CHMP1A: variants seen among roughly 807,000 people sequenced by gnomAD.
CHMP1A encodes the protein charged multivesicular body protein 1A, also known as VPS46 homolog A.
A neutral mutation model predicts 27.0 loss-of-function variants in CHMP1A; 17 were observed. The ratio of observed to expected loss-of-function variants is 0.63; its 90% CI spans 0.43 to 0.95. CHMP1A has a LOEUF of 0.95. Ranked by LOEUF, CHMP1A falls within the 40% of genes least tolerant of loss-of-function variation. The pLI, the probability that CHMP1A is intolerant of heterozygous loss-of-function variation, is 0.00. For missense variants in CHMP1A, 275 were observed against 264.0 expected (o/e 1.04, Z -0.29); for synonymous variants, 131 against 107.5 (o/e 1.22, Z -1.35).
chr16:89,656,068 G>A (rs570842964), intron 1 of CHMP1A, among the ~76,000 whole-genome samples: 102 of 152,284 alleles, frequency 6.7e-4, no homozygotes, highest in African/African-American at 2.3e-3. Context: ...TCTTCTCTCA[G>A]GGCAGAAAAT....
Position 89,657,684 on chromosome 16 carries a change from C to A in CHMP1A, c.-96G>T. On this transcript the variant is annotated 5_prime_UTR_variant, in exon 1 of 7. Coordinates refer to ENST00000397901, the MANE Select transcript of CHMP1A (RefSeq NM_002768.5). ...CGGCGATCGAACCGACCAAGCTGCACCCGGCGGGGACTTCCGGGGTCGCCG... is the reference window on the plus strand; with the variant it reads ...CGGCGATCGAACCGACCAAGCTGCAACCGGCGGGGACTTCCGGGGTCGCCG... The A allele has an allele frequency of 6.3e-7, 1 of 1,583,310 alleles. No homozygotes were observed. The highest frequency in any genetic ancestry group is 1.1e-5 in the South Asian group (1 of 87,478).
In CHMP1A at chr16:89,649,352, C is replaced by G. The variant is rs2059806152; in HGVS notation, c.251G>C (p.Gly84Ala). 1.9e-6 allele frequency: 3 copies of G among 1,611,754 alleles called. No homozygotes were observed. The highest frequency in any genetic ancestry group is 2.5e-6 in the Non-Finnish European group (3 of 1,178,208). Residue 84 changes from glycine to alanine, a missense_variant and splice_region_variant, in exon 4 of 7, where the codon GGG becomes GCG. Physicochemically the swap from Gly to Ala is moderately conservative, Grantham distance 60. Transcript: ENST00000397901. ...SKVQTAVTMK[G>A]VTKNMAQVTK... The stretch of plus-strand genomic sequence containing the variant: ...CCAGCACCAGGGCCCAGCACTCACC[C>G]CCTTCATAGTCACAGCTGTCTGCAC...
At chr16:89,651,472 A>C in intron 3 of CHMP1A, 97 bp downstream of exon 3, 5 of 1,063,334 alleles carry the variant, frequency 4.7e-6, no homozygotes, top group Admixed American at 2.1e-5. Flanking sequence ...GCCCCTCCCC[A>C]AAAGGCATCA....
At chr16:89,655,021 C>T (rs1204118335) in intron 1 of CHMP1A, among the ~76,000 whole-genome samples, 5 of 152,066 alleles carry the variant, frequency 3.3e-5, no homozygotes, top group Non-Finnish European at 1.5e-5. Context: ...TGGAGAGCGA[C>T]CCTGACCCCA....
chr16:89,647,357 G>T, intron 4 of CHMP1A, 26 bp from the exon 5 acceptor site: 1 of 1,592,716 alleles, frequency 6.3e-7, no homozygotes, highest in South Asian at 1.1e-5. Context: ...GCGCAGGAGG[G>T]AACAGGATGA....
chr16:89,652,712 A>G lies in CHMP1A; in HGVS notation c.28-1066T>C, dbSNP rs76493153. Among the ~76,000 whole-genome samples, 3,705 of 152,304 alleles carry G rather than the reference A, an allele frequency of 0.024. 689 individuals carry two copies. In the East Asian group the frequency reaches 0.51, roughly 21 times the overall value. ...CCTCAGCCGGTCCCCTCTGTGCCCAACAGCAACTGACAGGCCCACCGTGAT... is the reference window on the plus strand; with the variant it reads ...CCTCAGCCGGTCCCCTCTGTGCCCAGCAGCAACTGACAGGCCCACCGTGAT... On this transcript the variant is annotated intron_variant, in intron 2 of 6. Coordinates refer to ENST00000397901, the MANE Select transcript of CHMP1A (RefSeq NM_002768.5).
At position 89,646,078 on chromosome 16, in the gene CHMP1A, G is replaced by C; in HGVS notation, c.579C>G (p.Ala193=). Residue 193 remains alanine (A), a synonymous_variant, in exon 7 of 7, where the codon GCC becomes GCG. Transcript: ENST00000397901. ...CGGCGGGGCACGGCTAGTTCCTCAA[G>C]GCGGCCAACCTGGAAACCAACAACA... ...QEDQLSRRLA[A]LRN 1 of 1,547,622 alleles carries C rather than the reference G, an allele frequency of 6.5e-7. No homozygotes were observed. The highest frequency in any genetic ancestry group is 2.1e-4 in the Middle Eastern group (1 of 4,780).
Position 89,651,642 on chromosome 16 carries a change from G to A in CHMP1A, c.32C>T (p.Thr11Met), listed in dbSNP as rs367804633. Residue 11 changes from threonine to methionine, a missense_variant, in exon 3 of 7, where the codon ACG becomes ATG. Thr to Met is a moderately conservative substitution (Grantham distance 81, BLOSUM62 -1). Coordinates refer to ENST00000397901, the MANE Select transcript of CHMP1A (RefSeq NM_002768.5). The stretch of plus-strand genomic sequence containing the variant: ...GGCCAGCTTCTCCAGCTGCTTCGCC[G>A]TGAACTGAGCGGAAGCCGGAATGTC... MDDTLFQLKFTAKQLEKLAKK... is the reference protein window; with the variant it reads MDDTLFQLKFMAKQLEKLAKK... 3.3e-5 allele frequency: 53 copies of A among 1,613,306 alleles called. No homozygotes were observed. The highest frequency in any genetic ancestry group is 1.8e-4 in the Admixed American group (11 of 59,972).
At chr16:89,654,529 T>A (rs1293608425) in intron 1 of CHMP1A, among the ~76,000 whole-genome samples, 1 of 152,126 alleles carries the variant, frequency 6.6e-6, no homozygotes, top group Non-Finnish European at 1.5e-5. Context: ...TTTCCAGCGG[T>A]ACAGTCGCTC....
Position 89,651,631 on chromosome 16 carries a change from G to C in CHMP1A, c.43C>G (p.Leu15Val), listed in dbSNP as rs1206510270. 6.2e-7 allele frequency: 1 copy of C among 1,613,646 alleles called. No individual in the cohort carries two copies. The highest frequency in any genetic ancestry group is 1.7e-5 in the Admixed American group (1 of 60,022). ...LFQLKFTAKQ[L>V]EKLAKKAEKD... Reference sequence around the variant, plus strand: ...TCCGCCTTCTTGGCCAGCTTCTCCAGCTGCTTCGCCGTGAACTGAGCGGAA... The same window carrying C: ...TCCGCCTTCTTGGCCAGCTTCTCCACCTGCTTCGCCGTGAACTGAGCGGAA... The change falls in exon 3 of 7, where the codon CTG becomes GTG. Residue 15 changes from leucine (L) to valine (V), a missense_variant. Physicochemically the swap from Leu to Val is conservative, Grantham distance 32 (BLOSUM62 1). Transcript: ENST00000397901.
intron 1 of CHMP1A, among the ~76,000 whole-genome samples, chr16:89,657,048 A>ATCGGGGG (rs1489958423): frequency 1.0e-5 from 1 of 98,674 alleles, no homozygotes; most frequent in Non-Finnish European, 2.0e-5. Flanking sequence ...GGGGTCCCGA[A>ATCGGGGG]TCGGGGGTCG....
chr16:89,649,867 C>T (rs2437955), intron 3 of CHMP1A, among the ~76,000 whole-genome samples: 3 of 152,064 alleles, frequency 2.0e-5, no homozygotes, highest in African/African-American at 7.2e-5. Context: ...TGAGCCACCG[C>T]GCCCGGCCCT....
chr16:89,651,148 C>A (rs1385291251), intron 3 of CHMP1A, among the ~76,000 whole-genome samples: 1 of 152,090 alleles, frequency 6.6e-6, no homozygotes, highest in Non-Finnish European at 1.5e-5. Flanking sequence ...GAGGCCAAGG[C>A]AGGTGGGTCA....
rs775180423 is a variant in CHMP1A at position 89,645,974 on chromosome 16, G to A, written c.*92C>T. On this transcript the variant is annotated 3_prime_UTR_variant, in exon 7 of 7. Transcript: ENST00000397901. ...GAGTGGCTGCCGGCCGCAGCCCCGC[G>A]GGGTCAGCACAAAGGCAAGACGCGG... The A allele has an allele frequency of 1.9e-5, 30 of 1,611,778 alleles. No individual in the cohort carries two copies. Among genetic ancestry groups the A allele is most frequent in the East Asian group, 4.5e-5 (2 of 44,814 alleles).
chr16:89,647,556 C>T lies in CHMP1A; in HGVS notation c.253-225G>A, dbSNP rs1009020333. ...GCGGGGTCAGTGGAGAAAAGGCCGC[C>T]GACGTGGAGACCCAGTGCGGGGTCA... On this transcript the variant is annotated intron_variant, in intron 4 of 6. Transcript: ENST00000397901. Among the ~76,000 whole-genome samples the T allele has an allele frequency of 1.1e-4, 16 of 144,844 alleles. 1 individual carries two copies. Among genetic ancestry groups the T allele is most frequent in the Non-Finnish European group, 1.7e-4 (11 of 66,496 alleles).
At chr16:89,649,623 T>A (rs2059808485) in intron 3 of CHMP1A, 126 bp from the exon 4 acceptor site, 1 of 1,096,432 alleles carries the variant, frequency 9.1e-7, no homozygotes, top group Admixed American at 2.3e-5. Flanking sequence ...TTGCCCAGGC[T>A]GGAGTGCAGT....
rs369693521 is a variant in CHMP1A, at chr16:89,645,886, C to T, written c.*180G>A. 2.0e-5 allele frequency: 32 copies of T among 1,584,902 alleles called. No individual in the cohort carries two copies. Among genetic ancestry groups the T allele is most frequent in the South Asian group, 1.0e-4 (9 of 86,990 alleles). ...ACTCAACACCAGGACACAGACCCAC[C>T]GCCCAACCTAAAAGAACAGGAACAA... is the stretch of plus-strand genomic sequence containing the variant. On this transcript the variant is annotated 3_prime_UTR_variant, in exon 7 of 7. Coordinates refer to ENST00000397901, the MANE Select transcript of CHMP1A (RefSeq NM_002768.5).
intron 4 of CHMP1A, among the ~76,000 whole-genome samples, chr16:89,648,435 C>T (rs111882921): frequency 2.3e-5 from 3 of 132,592 alleles, no homozygotes; most frequent in East Asian, 2.8e-4. Flanking sequence ...GAGAAAAGGC[C>T]GCCGACGTGG....
At chr16:89,648,849 C>T (rs1320370807) in intron 4 of CHMP1A, among the ~76,000 whole-genome samples, 2 of 112,658 alleles carry the variant, frequency 1.8e-5, no homozygotes, top group East Asian at 2.8e-4. Context: ...AACATAGACA[C>T]CCTGTCTCTA....
Sources: gnomAD v4.1 joint callset for allele counts (sites outside exome capture counted in the v4.1 genomes callset) on GRCh38, gnomAD v4.1.1 for gene constraint, MANE v1.5 for transcripts, NCBI Gene and HGNC (gene_info 2026-07-23, HGNC 2026-07-21) for gene names.